The following EBF2 variants were observed in gnomAD, a reference collection of about 807,000 sequenced individuals.
The protein encoded by EBF2 is transcription factor COE2.
Under a neutral mutation model 72.8 loss-of-function variants are expected in EBF2, and 21 were observed. That is an observed-to-expected ratio of 0.29 (90% CI 0.20 to 0.42). The LOEUF (loss-of-function observed/expected upper bound fraction) is 0.42. Among genes scored for constraint, EBF2 ranks in the 10% least tolerant of loss-of-function variants. The pLI, the probability that EBF2 is intolerant of heterozygous loss-of-function variation, is 1.00. For synonymous variants in EBF2, 299 were observed against 274.2 expected (o/e 1.09, Z -0.89); for missense variants, 637 against 731.2 (o/e 0.87, Z 1.49).
chr8:25,977,188 G>A lies in EBF2; in HGVS notation c.551+55897C>T, dbSNP rs561315729. On this transcript the variant is annotated intron_variant, in intron 6 of 15. Coordinates refer to ENST00000520164, the MANE Select transcript of EBF2 (RefSeq NM_022659.4). ...CTATCAGGCAGCTCTGTGCAAGGGA[G>A]AAGTGGCTCGGGGTACAGTGAAGGG... Among the ~76,000 whole-genome samples the A allele has an allele frequency of 5.3e-4, 80 of 152,172 alleles. 1 individual carries two copies. The highest frequency in any genetic ancestry group is 1.0e-3 in the Non-Finnish European group (69 of 68,024).
At chr8:26,001,384 A>G (rs1804723685) in intron 6 of EBF2, among the ~76,000 whole-genome samples, 1 of 152,234 alleles carries the variant, frequency 6.6e-6, no homozygotes, top group Non-Finnish European at 1.5e-5. Context: ...GAAGAGATCT[A>G]TGAAGACATC....
Position 25,848,029 on chromosome 8 carries a change from T to TA in EBF2, c.1696+2564dup, listed in dbSNP as rs896604415. 8.0e-3 allele frequency among the ~76,000 whole-genome samples: 1,209 copies of TA among 151,372 alleles called. 15 individuals are homozygous for TA. The highest frequency in any genetic ancestry group is 0.027 in the African/African-American group (1,128 of 41,094). ...CCCCAAAATTAATGAAATTTTCTTT[T>TA]AAAAAAAAACCTATAAAAACTTTTA... On this transcript the variant is annotated intron_variant, in intron 15 of 15. Coordinates refer to ENST00000520164, the MANE Select transcript of EBF2 (RefSeq NM_022659.4).
chr8:25,885,561 T>C (rs942391951), intron 10 of EBF2, among the ~76,000 whole-genome samples: 2 of 152,202 alleles, frequency 1.3e-5, no homozygotes, highest in African/African-American at 4.8e-5. Context: ...TCATCTTGAA[T>C]TGTAGCTCCC....
chr8:25,964,723 A>G (rs1015726211), intron 6 of EBF2, among the ~76,000 whole-genome samples: 1 of 152,228 alleles, frequency 6.6e-6, no homozygotes, highest in Non-Finnish European at 1.5e-5. Flanking sequence ...AAAATCATTT[A>G]ACATTAAAAT....
chr8:25,846,148 A>G (rs1178856555), intron 15 of EBF2, among the ~76,000 whole-genome samples: 1 of 152,246 alleles, frequency 6.6e-6, no homozygotes, highest in African/African-American at 2.4e-5. Context: ...ACTTTTCAAT[A>G]AAGGCGGTTC....
At chr8:25,891,186 C>G (rs989768250) in intron 7 of EBF2, among the ~76,000 whole-genome samples, 3 of 152,090 alleles carry the variant, frequency 2.0e-5, no homozygotes, top group Admixed American at 6.5e-5. Flanking sequence ...AATCGAGCTC[C>G]AGCATATGTA....
chr8:25,859,703 T>C (rs1261603627), intron 13 of EBF2, among the ~76,000 whole-genome samples: 1 of 151,680 alleles, frequency 6.6e-6, no homozygotes, highest in Non-Finnish European at 1.5e-5. Context: ...ACAAAAATAA[T>C]AATATGTCCT....
At chr8:25,851,084 A>C (rs1801959487) in intron 14 of EBF2, among the ~76,000 whole-genome samples, 2 of 152,098 alleles carry the variant, frequency 1.3e-5, no homozygotes, top group African/African-American at 4.8e-5. Context: ...ATTCACAAGC[A>C]GAAGCTTGGC....
intron 9 of EBF2, 55 bp downstream of exon 9, chr8:25,887,787 T>G: frequency 6.8e-7 from 1 of 1,477,606 alleles, no homozygotes; most frequent in Non-Finnish European, 9.0e-7. Flanking sequence ...GTTTCCCAGA[T>G]CAAAACAATC....
chr8:25,934,271 ACAC>A (rs1226738219), intron 6 of EBF2, among the ~76,000 whole-genome samples: 85 of 137,816 alleles, frequency 6.2e-4, no homozygotes, highest in African/African-American at 2.0e-3. Context: ...ACACACACAC[ACAC>A]ACCAATCTTG....
Position 26,045,392 on chromosome 8 carries a change from A to T in EBF2, c.-533T>A, listed in dbSNP as rs972372958. 4 of 152,478 alleles carry T rather than the reference A, an allele frequency of 2.6e-5. No homozygotes were observed. The highest frequency in any genetic ancestry group is 2.1e-4 in the South Asian group (1 of 4,832). The allele number at this position is 152,478 out of a possible 1,614,324, so 9.4% of individuals were successfully genotyped here. A position where few individuals can be genotyped will look rare whatever the true frequency, so the allele number is the denominator to read the frequency against. ...CCGGCTGCAGCCGCGCGCGGGCCCCATGAATGGGTTACTACGGCCCTGGCT... is the reference window on the plus strand; with the variant it reads ...CCGGCTGCAGCCGCGCGCGGGCCCCTTGAATGGGTTACTACGGCCCTGGCT... On this transcript the variant is annotated 5_prime_UTR_variant, in exon 1 of 16. An upstream start codon of the reference 5' UTR is lost. Transcript: ENST00000520164.
intron 10 of EBF2, among the ~76,000 whole-genome samples, chr8:25,878,248 C>T (rs1802554005): frequency 6.6e-6 from 1 of 152,166 alleles, no homozygotes; most frequent in South Asian, 2.1e-4. Flanking sequence ...TCCACCTTGC[C>T]ATTGGAGGTG....
At chr8:25,925,536 C>G (rs530227717) in intron 6 of EBF2, among the ~76,000 whole-genome samples, 1 of 152,208 alleles carries the variant, frequency 6.6e-6, no homozygotes, top group African/African-American at 2.4e-5. Context: ...GCTCTCACCC[C>G]CCAACCCACC....
At chr8:25,963,945 T>A (rs1804074726) in intron 6 of EBF2, among the ~76,000 whole-genome samples, 2 of 152,236 alleles carry the variant, frequency 1.3e-5, no homozygotes. Context: ...TCCAGTATTT[T>A]AAAATTATAA....
At chr8:26,005,301 A>AT (rs1563205607) in intron 6 of EBF2, among the ~76,000 whole-genome samples, 24 of 1,668 alleles carry the variant, frequency 0.014, 2 homozygotes, top group Non-Finnish European at 0.022. Flanking sequence ...ATAATTATAT[A>AT]TAATTATATA....
At chr8:26,041,373 T>A (rs931432181) in intron 2 of EBF2, 6 of 267,684 alleles carry the variant, frequency 2.2e-5, no homozygotes, top group Non-Finnish European at 7.2e-6. Context: ...GGCAGAAAAG[T>A]GAAGGGACTT....
chr8:26,018,713 A>C (rs1325442560), intron 6 of EBF2, among the ~76,000 whole-genome samples: 1 of 151,902 alleles, frequency 6.6e-6, no homozygotes, highest in Non-Finnish European at 1.5e-5. Context: ...TGCTGATGGA[A>C]TAGGAAGAAA....
chr8:25,965,780 C>T (rs1024360842), intron 6 of EBF2, among the ~76,000 whole-genome samples: 1 of 152,194 alleles, frequency 6.6e-6, no homozygotes, highest in African/African-American at 2.4e-5. Context: ...GAGGCAGTCA[C>T]CACAGCTCTC....
At chr8:25,898,046 T>A (rs1010303937) in intron 7 of EBF2, among the ~76,000 whole-genome samples, 4 of 152,208 alleles carry the variant, frequency 2.6e-5, no homozygotes, top group Non-Finnish European at 4.4e-5. Context: ...ATAGGAAACA[T>A]TGTCGCAGCC....
Sources: allele counts gnomAD v4.1 joint callset (sites outside exome capture counted in the v4.1 genomes callset), GRCh38; gene constraint gnomAD v4.1.1; transcripts MANE v1.5; gene names NCBI Gene and HGNC (gene_info 2026-07-23, HGNC 2026-07-21).